The following ROBO2 variants were observed in gnomAD, a reference collection of about 807,000 sequenced individuals.
ROBO2 encodes roundabout guidance receptor 2.
In ROBO2, 53 loss-of-function variants were observed where a neutral mutation model predicts 160.8. That is an observed-to-expected ratio of 0.33 (90% CI 0.26 to 0.41). The LOEUF (loss-of-function observed/expected upper bound fraction) is 0.41, where lower values mean the gene tolerates loss of function less well. Among genes scored for constraint, ROBO2 ranks in the 10% least tolerant of loss-of-function variants. The pLI is 1.00. For synonymous variants in ROBO2, 664 were observed against 611.7 expected, an observed-to-expected ratio of 1.09 and a Z score of -1.26; for missense variants, 1,577 against 1,722.4, an observed-to-expected ratio of 0.92 and a Z score of 1.49.
intron 17 of ROBO2, among the ~76,000 whole-genome samples, chr3:77,591,150 A>G (rs2153685063): frequency 6.6e-6 from 1 of 152,308 alleles, no homozygotes; most frequent in African/African-American, 2.4e-5. Context: ...AGTGAAATAT[A>G]CATTATTAGA....
chr3:77,154,220 A>G (rs1298267532), intron 2 of ROBO2, among the ~76,000 whole-genome samples: 1 of 152,122 alleles, frequency 6.6e-6, no homozygotes, highest in Non-Finnish European at 1.5e-5. Flanking sequence ...TCTTCTATCA[A>G]TTTCTAAACA....
In ROBO2 at chr3:77,401,553, AG is replaced by A. The variant is rs74820277; in HGVS notation, c.389-75858del. ...AAGTAAACCTATTGGGCTGGTAAAAAGGGTATGCACTTGAAAACTTGGTGGC... is the reference window on the plus strand; with the variant it reads ...AAGTAAACCTATTGGGCTGGTAAAAAGGTATGCACTTGAAAACTTGGTGGC... On this transcript the variant is annotated intron_variant, in intron 2 of 25. Coordinates refer to ENST00000461745, the Ensembl canonical transcript of ROBO2. Among the ~76,000 whole-genome samples, 49 of 152,088 alleles carry A rather than the reference AG, an allele frequency of 3.2e-4. No homozygotes were observed. In the East Asian group the frequency reaches 5.8e-3, roughly 18 times the overall value.
chr3:76,626,684 A>G (rs1189116238), intron 2 of ROBO2, among the ~76,000 whole-genome samples: 2 of 151,924 alleles, frequency 1.3e-5, no homozygotes, highest in Admixed American at 6.6e-5. Flanking sequence ...TGTCATTTAG[A>G]ATCTTTTATC....
intron 2 of ROBO2, among the ~76,000 whole-genome samples, chr3:76,845,272 T>A (rs1257908691): frequency 6.6e-6 from 1 of 152,038 alleles, no homozygotes; most frequent in East Asian, 1.9e-4. Context: ...TAACAGAGAA[T>A]GTTATCTGAG....
At chr3:76,640,305 C>A (rs1046430357) in intron 2 of ROBO2, among the ~76,000 whole-genome samples, 1 of 152,068 alleles carries the variant, frequency 6.6e-6, no homozygotes, top group Non-Finnish European at 1.5e-5. Context: ...CCTAGGGGAG[C>A]GGATTGCCTG....
At chr3:76,650,068 C>G (rs575645807) in intron 2 of ROBO2, among the ~76,000 whole-genome samples, 1 of 152,162 alleles carries the variant, frequency 6.6e-6, no homozygotes, top group South Asian at 2.1e-4. Flanking sequence ...ACCTTCTCAC[C>G]CATTCATCCC....
chr3:76,456,695 A>C (rs575336426), intron 2 of ROBO2, among the ~76,000 whole-genome samples: 18 of 152,272 alleles, frequency 1.2e-4, no homozygotes, highest in African/African-American at 2.9e-4. Flanking sequence ...GACCAATTTG[A>C]ATAGCCTTTG....
chr3:76,236,905 T>C (rs934338632), intron 2 of ROBO2, among the ~76,000 whole-genome samples: 1 of 151,984 alleles, frequency 6.6e-6, no homozygotes, highest in African/African-American at 2.4e-5. Flanking sequence ...ATACCCCTAG[T>C]GTATATAATG....
intron 2 of ROBO2, among the ~76,000 whole-genome samples, chr3:76,452,694 A>G (rs2077537632): frequency 6.6e-6 from 1 of 152,238 alleles, no homozygotes; most frequent in Non-Finnish European, 1.5e-5. Context: ...ATACTCAGTA[A>G]TGGGATGGCT....
chr3:76,539,269 G>A (rs2082687656), intron 2 of ROBO2, among the ~76,000 whole-genome samples: 1 of 151,766 alleles, frequency 6.6e-6, no homozygotes, highest in Non-Finnish European at 1.5e-5. Flanking sequence ...CTGGAGGACA[G>A]CTTGATAGGT....
chr3:77,045,377 T>A (rs933776852), intron 1 of ROBO2, among the ~76,000 whole-genome samples: 1 of 152,164 alleles, frequency 6.6e-6, no homozygotes, highest in Non-Finnish European at 1.5e-5. Context: ...TTTAAATACA[T>A]GTTTGGATTG....
intron 2 of ROBO2, among the ~76,000 whole-genome samples, chr3:76,442,385 T>G (rs1001114009): frequency 2.6e-5 from 4 of 152,164 alleles, no homozygotes; most frequent in Admixed American, 6.6e-5. Flanking sequence ...CGTTTCTAGT[T>G]TTTTTGTTTC....
At chr3:76,121,298 G>T (rs967772402) in intron 2 of ROBO2, among the ~76,000 whole-genome samples, 1 of 152,054 alleles carries the variant, frequency 6.6e-6, no homozygotes, top group Non-Finnish European at 1.5e-5. Context: ...TCAATTTTTA[G>T]GTTCAACATA....
At chr3:76,860,198 C>T (rs1379416340) in intron 2 of ROBO2, among the ~76,000 whole-genome samples, 2 of 152,068 alleles carry the variant, frequency 1.3e-5, no homozygotes, top group East Asian at 3.9e-4. Flanking sequence ...TTCACCAGTG[C>T]CTGATGCTAT....
intron 2 of ROBO2, among the ~76,000 whole-genome samples, chr3:76,406,997 GT>G (rs62802963): frequency 0.14 from 17,540 of 123,228 alleles, 1,276 homozygotes; most frequent in South Asian, 0.25. Context: ...ACCCTGAGTT[GT>G]TTTTTTTTTT....
chr3:77,379,450 T>C (rs1560672580), intron 2 of ROBO2, among the ~76,000 whole-genome samples: 1 of 148,086 alleles, frequency 6.8e-6, no homozygotes. Flanking sequence ...GTTGCCTGAT[T>C]AAAAAAAAAA....
chr3:77,189,865 C>T (rs2081655321), intron 2 of ROBO2, among the ~76,000 whole-genome samples: 1 of 151,826 alleles, frequency 6.6e-6, no homozygotes, highest in Non-Finnish European at 1.5e-5. Flanking sequence ...TCCCATTTTA[C>T]AGATACAAAA....
intron 2 of ROBO2, among the ~76,000 whole-genome samples, chr3:75,951,203 A>G (rs1948522415): frequency 6.6e-6 from 1 of 151,958 alleles, no homozygotes; most frequent in African/African-American, 2.4e-5. Flanking sequence ...TTATATACCT[A>G]TTACCAGTTT....
intron 2 of ROBO2, among the ~76,000 whole-genome samples, chr3:76,611,663 T>C (rs1293216343): frequency 6.6e-6 from 1 of 152,202 alleles, no homozygotes; most frequent in Admixed American, 6.5e-5. Flanking sequence ...TCTCTCTTTA[T>C]GTCTTAGTCT....
Sources: allele counts gnomAD v4.1 joint callset (sites outside exome capture counted in the v4.1 genomes callset), GRCh38; gene constraint gnomAD v4.1.1; transcripts MANE v1.5; gene names NCBI Gene and HGNC (gene_info 2026-07-23, HGNC 2026-07-21).